Variants in LAMA3 observed in about 807,000 individuals in gnomAD.
LAMA3 encodes the protein laminin subunit alpha-3.
A neutral mutation model predicts 402.0 loss-of-function variants in LAMA3; 281 were observed. The observed-to-expected ratio is 0.70, with a 90% confidence interval of 0.63 to 0.77. The LOEUF is 0.77. Among genes scored for constraint, LAMA3 ranks in the 30% least tolerant of loss-of-function variants. LAMA3 has a pLI of 0.00. For synonymous variants in LAMA3, 1,431 were observed against 1,558.4 expected (o/e 0.92, Z 1.93); for missense variants, 3,840 against 4,215.5 (o/e 0.91, Z 2.47).
chr18:23,881,593 A>G (rs1262797180), intron 39 of LAMA3, among the ~76,000 whole-genome samples: 1 of 152,256 alleles, frequency 6.6e-6, no homozygotes, highest in Non-Finnish European at 1.5e-5. Flanking sequence ...TAAATCATAC[A>G]CTAGTAAAAT....
chr18:23,758,372 G>T, intron 6 of LAMA3, 24 bp from the exon 7 acceptor site: 1 of 1,580,692 alleles, frequency 6.3e-7, no homozygotes, highest in South Asian at 1.1e-5. Flanking sequence ...CAATAACTGA[G>T]ATGCACTTCG....
chr18:23,855,009 AAAT>A (rs761016498), intron 32 of LAMA3, among the ~76,000 whole-genome samples: 100 of 149,280 alleles, frequency 6.7e-4, no homozygotes, highest in Non-Finnish European at 1.4e-3. Context: ...AAAAATAAAA[AAAT>A]TTAAAAAAAT....
At chr18:23,853,694 T>C (rs1369811282) in intron 32 of LAMA3, among the ~76,000 whole-genome samples, 1 of 152,194 alleles carries the variant, frequency 6.6e-6, no homozygotes, top group Non-Finnish European at 1.5e-5. Context: ...CCCATTGCCA[T>C]GGAGATAAAT....
chr18:23,954,401 T>TAAAAAAA, intron 74 of LAMA3, 102 bp from the exon 75 acceptor site: 7 of 678,842 alleles, frequency 1.0e-5, no homozygotes, highest in South Asian at 1.8e-5. Flanking sequence ...GGACCCTGTC[T>TAAAAAAA]AAAAAAAAAA....
intron 39 of LAMA3, among the ~76,000 whole-genome samples, chr18:23,881,616 A>G (rs1259097422): frequency 6.6e-6 from 1 of 152,200 alleles, no homozygotes; most frequent in Non-Finnish European, 1.5e-5. Flanking sequence ...ATATAAGTAA[A>G]ATTGATACAA....
At chr18:23,948,488 A>G (rs569052922) in intron 70 of LAMA3, among the ~76,000 whole-genome samples, 36 of 152,324 alleles carry the variant, frequency 2.4e-4, no homozygotes, top group Non-Finnish European at 4.6e-4. Flanking sequence ...TTAAGAAACT[A>G]AAAGTTTCAT....
chr18:23,921,617 G>A, intron 62 of LAMA3, 32 bp downstream of exon 62: 2 of 1,610,690 alleles, frequency 1.2e-6, no homozygotes, highest in African/African-American at 1.3e-5. Context: ...GAGATTTAAA[G>A]CCTTTGTTAG....
intron 2 of LAMA3, among the ~76,000 whole-genome samples, chr18:23,738,772 C>G (rs1448793270): frequency 6.6e-6 from 1 of 152,206 alleles, no homozygotes; most frequent in Admixed American, 6.5e-5. Flanking sequence ...ACAGCCACTT[C>G]CAGAAAGAAT....
At chr18:23,702,357 G>T (rs1017116359) in intron 1 of LAMA3, among the ~76,000 whole-genome samples, 1 of 152,130 alleles carries the variant, frequency 6.6e-6, no homozygotes, top group Non-Finnish European at 1.5e-5. Context: ...TAGAGACAGC[G>T]TCTTGCTTTG....
chr18:23,954,089 C>G (rs187151624), intron 74 of LAMA3, among the ~76,000 whole-genome samples: 1 of 152,270 alleles, frequency 6.6e-6, no homozygotes, highest in Admixed American at 6.5e-5. Flanking sequence ...GATGTGAAGT[C>G]ACTTTAGCTT....
intron 24 of LAMA3, among the ~76,000 whole-genome samples, chr18:23,835,724 C>T (rs2063568965): frequency 6.6e-6 from 1 of 152,042 alleles, no homozygotes; most frequent in Non-Finnish European, 1.5e-5. Flanking sequence ...TATGGGAGTC[C>T]AAAAAATATG....
At position 23,914,568 on chromosome 18, in the gene LAMA3, G is replaced by C. The variant is rs749770794; in HGVS notation, c.7481+7G>C. ...ATCGGGTGAAATTTCAGAGGTACAA[G>C]TCTGATTGACTGTACCTGTGCTCAC... On this transcript the variant is annotated splice_region_variant and intron_variant, in intron 57 of 74. Transcript: ENST00000313654. 24 of 1,613,330 alleles carry C rather than the reference G, an allele frequency of 1.5e-5. 1 individual carries two copies. In the South Asian group the frequency reaches 2.6e-4, roughly 18 times the overall value.
intron 12 of LAMA3, among the ~76,000 whole-genome samples, chr18:23,798,504 T>G (rs1287983437): frequency 6.6e-6 from 1 of 152,144 alleles, no homozygotes; most frequent in African/African-American, 2.4e-5. Flanking sequence ...TGACGAGGAA[T>G]GGTGCCAGGG....
rs939303624 is a variant in LAMA3, at chr18:23,931,268, T to A, written c.8576+67T>A. ...TACTCTCTTTCGTTTAATGGAATTT[T>A]CTGGTGTCTTTTTGCAAAATATTTG... On this transcript the variant is annotated intron_variant, in intron 65 of 74. Transcript: ENST00000313654. 5.3e-6 allele frequency: 8 copies of A among 1,501,714 alleles called. No individual in the cohort carries two copies. In the Admixed American group the frequency reaches 6.7e-5, roughly 13 times the overall value. 93.0% of individuals were successfully genotyped at this position (1,501,714 alleles called of 1,614,324 possible).
At chr18:23,693,700 A>T (rs1010326957) in intron 1 of LAMA3, among the ~76,000 whole-genome samples, 2 of 152,194 alleles carry the variant, frequency 1.3e-5, no homozygotes, top group African/African-American at 4.8e-5. Flanking sequence ...GATACTTCTT[A>T]TCAGCTCAAA....
intron 67 of LAMA3, 94 bp from the exon 68 acceptor site, chr18:23,939,129 T>C (rs1379398306): frequency 2.2e-6 from 3 of 1,345,418 alleles, no homozygotes; most frequent in Admixed American, 1.7e-5. Flanking sequence ...AATTCCTCAC[T>C]TAGGATCAAG....
At position 23,876,535 on chromosome 18, in the gene LAMA3, T is replaced by C. The variant is rs1425513461; in HGVS notation, c.5112+128T>C. 1.5e-5 allele frequency: 10 copies of C among 662,240 alleles called. No individual in the cohort carries two copies. The South Asian group carries it at 1.5e-4, about 10-fold the overall frequency. 41.0% of individuals were successfully genotyped at this position (662,240 alleles called of 1,614,324 possible). A position where few individuals can be genotyped will look rare whatever the true frequency, so the allele number is the denominator to read the frequency against. The stretch of plus-strand genomic sequence containing the variant: ...CTAAATAGAGGTCGCTGTGTAAATA[T>C]ATGAGGCTCCATTATCAGGCTGAAT... On this transcript the variant is annotated intron_variant, in intron 39 of 74. Transcript: ENST00000313654.
intron 11 of LAMA3, among the ~76,000 whole-genome samples, chr18:23,779,422 G>A (rs1253755867): frequency 1.3e-5 from 2 of 152,148 alleles, no homozygotes; most frequent in African/African-American, 4.8e-5. Context: ...TCATCGGAAG[G>A]TAGAACCAAC....
chr18:23,809,962 C>G (rs1378182303), intron 12 of LAMA3, among the ~76,000 whole-genome samples: 1 of 152,118 alleles, frequency 6.6e-6, no homozygotes, highest in Non-Finnish European at 1.5e-5. Context: ...CCTGCATCCT[C>G]CTCCTACAAA....
Sources: allele counts gnomAD v4.1 joint callset (sites outside exome capture counted in the v4.1 genomes callset), GRCh38; gene constraint gnomAD v4.1.1; transcripts MANE v1.5; gene names NCBI Gene and HGNC (gene_info 2026-07-23, HGNC 2026-07-21).